The following SOCS7 variants were observed in gnomAD, a reference collection of about 807,000 sequenced individuals.
SOCS7 encodes the protein suppressor of cytokine signaling 7.
SOCS7 carries 18 observed loss-of-function variants against 58.9 expected under a neutral mutation model. The ratio of observed to expected loss-of-function variants is 0.31; its 90% CI spans 0.21 to 0.45. SOCS7 has a LOEUF of 0.45. Among genes scored for constraint, SOCS7 ranks in the 20% least tolerant of loss-of-function variants. SOCS7 has a pLI of 1.00. For synonymous variants in SOCS7, 388 were observed against 364.3 expected, an observed-to-expected ratio of 1.06 and a Z score of -0.74; for missense variants, 667 against 837.3, an observed-to-expected ratio of 0.80 and a Z score of 2.51.
In SOCS7 at chr17:38,352,328, TC is replaced by T. The variant is rs1357374374; in HGVS notation, c.280del (p.Arg94GlyfsTer27). 2.7e-6 allele frequency: 4 copies of T among 1,484,402 alleles called. No homozygotes were observed. The highest frequency in any genetic ancestry group is 2.4e-5 in the Admixed American group (1 of 41,812). 92.0% of individuals were successfully genotyped at this position (1,484,402 alleles called of 1,614,324 possible). On this transcript the variant is annotated frameshift_variant, in exon 1 of 10. Coordinates refer to ENST00000612932, the MANE Select transcript of SOCS7 (RefSeq NM_014598.4). LOFTEE classifies it high-confidence loss of function. The surrounding 1 kb of genome is among the most constrained non-coding windows in gnomAD (Gnocchi z 5.5). Reference sequence around the variant, plus strand: ...AGCCGGGACCCTCGGAACTGCTGTGTCCCCGGCACCGCTGTGCCCTGGACCC... The same window carrying T: ...AGCCGGGACCCTCGGAACTGCTGTGTCCCGGCACCGCTGTGCCCTGGACCC... The part of the protein sequence containing the change: ...PEPGPSELLC[P>X]RHRCALDPKA...
chr17:38,387,133 G>GTGTA lies in SOCS7; in HGVS notation c.1682-8175_1682-8174insGTAT, dbSNP rs1269515665. Among the ~76,000 whole-genome samples, 11 of 73,484 alleles carry GTGTA rather than the reference G, an allele frequency of 1.5e-4. 2 individuals are homozygous for GTGTA. Among genetic ancestry groups the GTGTA allele is most frequent in the African/African-American group, 7.7e-4 (11 of 14,280 alleles). The allele number at this position is 73,484 out of a possible 152,430, so 48.2% of individuals were successfully genotyped here. On this transcript the variant is annotated intron_variant, in intron 7 of 9. Coordinates refer to ENST00000612932, the MANE Select transcript of SOCS7 (RefSeq NM_014598.4). ...TATATATATATATATATATATGTAT[G>GTGTA]TATATATATATATATATATGATTAA...
At position 38,377,752 on chromosome 17, in the gene SOCS7, C is replaced by T. The variant is rs764623857; in HGVS notation, c.1591C>T (p.Arg531Cys). Residue 531 changes from arginine to cysteine, a missense_variant, in exon 7 of 10, where the codon CGC becomes TGC. Coordinates refer to ENST00000612932, the MANE Select transcript of SOCS7 (RefSeq NM_014598.4). ...SLWCHPKFED[R>C]CQSVVEFIKR... ...GTGGTGTCATCCCAAGTTTGAGGAC[C>T]GCTGTCAATCTGTTGTAGAGTTTAT... 11 of 1,612,838 alleles carry T rather than the reference C, an allele frequency of 6.8e-6. No homozygotes were observed. The highest frequency in any genetic ancestry group is 1.1e-5 in the South Asian group (1 of 90,730).
chr17:38,393,741 A>G (rs1245918003), intron 7 of SOCS7, among the ~76,000 whole-genome samples: 1 of 151,784 alleles, frequency 6.6e-6, no homozygotes, highest in East Asian at 1.9e-4. Context: ...CCTACTGAAA[A>G]TACAAAAAAT....
Position 38,394,257 on chromosome 17 carries a change from C to T in SOCS7, c.1682-1052C>T, listed in dbSNP as rs540926094. Among the ~76,000 whole-genome samples the T allele has an allele frequency of 3.3e-5, 5 of 152,288 alleles. No individual in the cohort carries two copies. In the South Asian group the frequency reaches 8.3e-4, roughly 25 times the overall value. ...AGTCTATTTGGCATCAATCAGCAGG[C>T]GGGTTTGCACTGAGCGGTACTAATC... On this transcript the variant is annotated intron_variant, in intron 7 of 9. Transcript: ENST00000612932.
chr17:38,380,450 G>T (rs2037986075), intron 7 of SOCS7, among the ~76,000 whole-genome samples: 1 of 151,938 alleles, frequency 6.6e-6, no homozygotes, highest in African/African-American at 2.4e-5. Flanking sequence ...GACCAACGTG[G>T]TGAAACCTCG....
intron 7 of SOCS7, among the ~76,000 whole-genome samples, chr17:38,387,430 G>A (rs2038088357): frequency 6.9e-6 from 1 of 145,114 alleles, no homozygotes; most frequent in South Asian, 2.1e-4. Context: ...CTGGGTGACA[G>A]AGAGACTCTG....
rs1461296498 is a variant in SOCS7, at chr17:38,376,419, T to A, written c.1553-1295T>A. 3.3e-5 allele frequency among the ~76,000 whole-genome samples: 5 copies of A among 152,114 alleles called. No individual in the cohort carries two copies. The East Asian group carries it at 9.6e-4, about 29-fold the overall frequency. On this transcript the variant is annotated intron_variant, in intron 6 of 9. Transcript: ENST00000612932. ...CACAGACAGTGGTCCTGGCCGGAAATCAATTTTTTTTTCTTATCAACGTTA... is the reference window on the plus strand; with the variant it reads ...CACAGACAGTGGTCCTGGCCGGAAAACAATTTTTTTTTCTTATCAACGTTA...
Position 38,367,866 on chromosome 17 carries a change from T to C in SOCS7, c.1384-16T>C, listed in dbSNP as rs1555568616. ...TCTGTCCTGATAACTAGTGGACTGC[T>C]TCTTGTCTTTGATAGTGTGGTTGGT... On this transcript the variant is annotated splice_polypyrimidine_tract_variant and intron_variant, in intron 5 of 9. Coordinates refer to ENST00000612932, the MANE Select transcript of SOCS7 (RefSeq NM_014598.4). 2 of 1,612,050 alleles carry C rather than the reference T, an allele frequency of 1.2e-6. No homozygotes were observed. Among genetic ancestry groups the C allele is most frequent in the Admixed American group, 1.7e-5 (1 of 59,934 alleles).
At chr17:38,387,629 A>C (rs2038095754) in intron 7 of SOCS7, among the ~76,000 whole-genome samples, 1 of 89,658 alleles carries the variant, frequency 1.1e-5, no homozygotes, top group South Asian at 2.7e-4. Context: ...TATATACAAT[A>C]TATTGTATAT....
At chr17:38,356,278 G>T (rs2037636511) in intron 1 of SOCS7, among the ~76,000 whole-genome samples, 1 of 151,906 alleles carries the variant, frequency 6.6e-6, no homozygotes, top group African/African-American at 2.4e-5. Flanking sequence ...ATACTTGGAA[G>T]GCAGAGGCAG....
At chr17:38,389,929 TGA>T (rs1241461204) in intron 7 of SOCS7, among the ~76,000 whole-genome samples, 6 of 23,156 alleles carry the variant, frequency 2.6e-4, no homozygotes, top group Non-Finnish European at 4.0e-4. Context: ...AGAGAGAGAG[TGA>T]GAGAGAGAGA....
At chr17:38,376,969 C>T (rs1024113898) in intron 6 of SOCS7, among the ~76,000 whole-genome samples, 6 of 152,166 alleles carry the variant, frequency 3.9e-5, no homozygotes, top group African/African-American at 1.4e-4. Flanking sequence ...GTATTCAGCA[C>T]AGTAACATGC....
chr17:38,378,833 C>T (rs182615463), intron 7 of SOCS7, among the ~76,000 whole-genome samples: 3 of 152,116 alleles, frequency 2.0e-5, no homozygotes, highest in East Asian at 1.9e-4. Flanking sequence ...CAAAATGACA[C>T]GGACATTAAT....
intron 7 of SOCS7, among the ~76,000 whole-genome samples, chr17:38,394,486 C>CTA (rs1311040910): frequency 6.6e-6 from 1 of 152,148 alleles, no homozygotes; most frequent in Admixed American, 6.6e-5. Context: ...TACTTACCAG[C>CTA]CTCCCTGCTG....
chr17:38,376,245 G>A (rs1327212425), intron 6 of SOCS7, among the ~76,000 whole-genome samples: 3 of 152,138 alleles, frequency 2.0e-5, no homozygotes, highest in African/African-American at 7.2e-5. Flanking sequence ...ACCCTGGACA[G>A]AACACCATTC....
At chr17:38,382,765 G>A (rs1450004166) in intron 7 of SOCS7, among the ~76,000 whole-genome samples, 1 of 152,132 alleles carries the variant, frequency 6.6e-6, no homozygotes, top group Admixed American at 6.5e-5. Flanking sequence ...GAGATTACAG[G>A]CGTGAGCCAC....
chr17:38,365,063 A>C (rs759804286), intron 3 of SOCS7, among the ~76,000 whole-genome samples: 8 of 152,214 alleles, frequency 5.3e-5, no homozygotes, highest in Non-Finnish European at 8.8e-5. Context: ...ATATTAATTC[A>C]GTTTACATTT....
chr17:38,361,629 C>T (rs906085100), intron 1 of SOCS7, 82 bp from the exon 2 acceptor site: 66 of 1,042,290 alleles, frequency 6.3e-5, no homozygotes, highest in Non-Finnish European at 9.7e-5. Flanking sequence ...CTCAGTGCAT[C>T]TGGAACTGAG....
chr17:38,384,725 T>C (rs1359283697), intron 7 of SOCS7, among the ~76,000 whole-genome samples: 1 of 151,956 alleles, frequency 6.6e-6, no homozygotes, highest in Non-Finnish European at 1.5e-5. Flanking sequence ...CCTGAGTAGC[T>C]GGGATTACAG....
Sources: gnomAD v4.1 joint callset for allele counts (sites outside exome capture counted in the v4.1 genomes callset) on GRCh38, gnomAD v4.1.1 for gene constraint, Gnocchi (gnomAD v3.1) non-coding constraint, MANE v1.5 for transcripts, NCBI Gene and HGNC (gene_info 2026-07-23, HGNC 2026-07-21) for gene names.